ARHGAP15: variants seen among roughly 807,000 people sequenced by gnomAD.
ARHGAP15 encodes the protein Rho GTPase activating protein 15, also known as rho GTPase-activating protein 15.
In ARHGAP15, 51 loss-of-function variants were observed where a neutral mutation model predicts 63.7. The observed-to-expected ratio is 0.80, with a 90% confidence interval of 0.64 to 1.01. The LOEUF is 1.01. Ranked by LOEUF, ARHGAP15 falls within the 50% of genes least tolerant of loss-of-function variation. The pLI is 0.00. For missense variants in ARHGAP15, 560 were observed against 564.6 expected (o/e 0.99, Z 0.08); for synonymous variants, 191 against 193.8 (o/e 0.99, Z 0.12).
At chr2:143,391,099 C>T (rs1277597735) in intron 6 of ARHGAP15, among the ~76,000 whole-genome samples, 1 of 152,040 alleles carries the variant, frequency 6.6e-6, no homozygotes, top group East Asian at 1.9e-4. Context: ...ATAGAAAGTC[C>T]CTGGAAACCC....
chr2:143,648,887 C>T (rs144654320), intron 12 of ARHGAP15: 8 of 151,996 alleles, frequency 5.3e-5, no homozygotes, highest in South Asian at 2.1e-4. Flanking sequence ...TGGGAGTGAA[C>T]AGTAAGGTAG....
chr2:143,417,163 G>C (rs1018366730), intron 6 of ARHGAP15, among the ~76,000 whole-genome samples: 1 of 151,938 alleles, frequency 6.6e-6, no homozygotes, highest in African/African-American at 2.4e-5. Context: ...GGGGTCTTAA[G>C]TCAGGTCTCT....
At chr2:143,148,962 C>G (rs1294228187) in intron 1 of ARHGAP15, among the ~76,000 whole-genome samples, 2 of 152,030 alleles carry the variant, frequency 1.3e-5, no homozygotes, top group African/African-American at 4.8e-5. Flanking sequence ...GAGTTAATTA[C>G]TGACCTGTCA....
At chr2:143,298,170 G>T (rs138381130) in intron 6 of ARHGAP15, among the ~76,000 whole-genome samples, 6 of 151,552 alleles carry the variant, frequency 4.0e-5, no homozygotes, top group Admixed American at 6.6e-5. Flanking sequence ...ACTTCTCTTC[G>T]GGCTCTAAAT....
At chr2:143,169,450 A>T (rs932190505) in intron 2 of ARHGAP15, among the ~76,000 whole-genome samples, 1 of 152,100 alleles carries the variant, frequency 6.6e-6, no homozygotes, top group African/African-American at 2.4e-5. Flanking sequence ...TGTCATGCAG[A>T]TAACTGCAAA....
At chr2:143,159,943 G>A (rs1690225428) in intron 2 of ARHGAP15, among the ~76,000 whole-genome samples, 1 of 151,876 alleles carries the variant, frequency 6.6e-6, no homozygotes, top group Non-Finnish European at 1.5e-5. Context: ...AGTGTAAGAT[G>A]TGTCTGTATT....
At chr2:143,413,567 C>T (rs778190065) in intron 6 of ARHGAP15, among the ~76,000 whole-genome samples, 3 of 152,196 alleles carry the variant, frequency 2.0e-5, no homozygotes, top group Non-Finnish European at 4.4e-5. Context: ...AACTCTTTCA[C>T]TTAAGTGATC....
chr2:143,177,266 C>A (rs980377942), intron 2 of ARHGAP15, among the ~76,000 whole-genome samples: 1 of 152,078 alleles, frequency 6.6e-6, no homozygotes, highest in African/African-American at 2.4e-5. Flanking sequence ...AAGATGAGAG[C>A]CGGCTGTTCA....
At chr2:143,623,668 G>C (rs2105240185) in intron 11 of ARHGAP15, among the ~76,000 whole-genome samples, 1 of 152,308 alleles carries the variant, frequency 6.6e-6, no homozygotes, top group East Asian at 1.9e-4. Flanking sequence ...TACATAGCAA[G>C]GCTAACACAT....
intron 5 of ARHGAP15, among the ~76,000 whole-genome samples, chr2:143,242,047 C>T (rs189439162): frequency 1.2e-4 from 19 of 152,196 alleles, no homozygotes; most frequent in Non-Finnish European, 2.6e-4. Flanking sequence ...TTCCCATTTC[C>T]TGCACTTTTG....
At chr2:143,265,642 ATTATTTTGGAGAGT>A (rs565354269) in intron 6 of ARHGAP15, among the ~76,000 whole-genome samples, 1 of 152,284 alleles carries the variant, frequency 6.6e-6, no homozygotes, top group South Asian at 2.1e-4. Context: ...AAGTGTTATT[ATTATTTTGGAGAGT>A]TTTCGTAGGA....
At chr2:143,278,096 T>A (rs1282444108) in intron 6 of ARHGAP15, among the ~76,000 whole-genome samples, 1 of 152,106 alleles carries the variant, frequency 6.6e-6, no homozygotes, top group African/African-American at 2.4e-5. Context: ...AATGCCAAGA[T>A]AAAAACAGTG....
chr2:143,406,432 T>G (rs1688201219), intron 6 of ARHGAP15, among the ~76,000 whole-genome samples: 1 of 151,980 alleles, frequency 6.6e-6, no homozygotes, highest in Non-Finnish European at 1.5e-5. Flanking sequence ...TGATACTGTC[T>G]TTGTGTCTTA....
intron 12 of ARHGAP15, among the ~76,000 whole-genome samples, chr2:143,700,997 T>TC (rs1306866391): frequency 1.2e-4 from 18 of 152,264 alleles, no homozygotes; most frequent in African/African-American, 3.9e-4. Context: ...TTCTTTTTTT[T>TC]CTCTTTCTCG....
intron 6 of ARHGAP15, among the ~76,000 whole-genome samples, chr2:143,310,891 T>C (rs1683414738): frequency 6.6e-6 from 1 of 152,034 alleles, no homozygotes; most frequent in Non-Finnish European, 1.5e-5. Context: ...ATTTCATTAA[T>C]GATTCCTATA....
chr2:143,653,024 G>A (rs1434054339), intron 12 of ARHGAP15, among the ~76,000 whole-genome samples: 1 of 151,974 alleles, frequency 6.6e-6, no homozygotes, highest in Non-Finnish European at 1.5e-5. Flanking sequence ...TATTAAATAT[G>A]ATGCTAGTTT....
chr2:143,484,874 T>G (rs1183110899), intron 8 of ARHGAP15, among the ~76,000 whole-genome samples: 1 of 152,210 alleles, frequency 6.6e-6, no homozygotes, highest in Non-Finnish European at 1.5e-5. Context: ...AGCACAAGTC[T>G]AAAGCAGTGC....
chr2:143,673,958 T>G (rs1353842273), intron 12 of ARHGAP15, among the ~76,000 whole-genome samples: 1 of 151,260 alleles, frequency 6.6e-6, no homozygotes, highest in East Asian at 1.9e-4. Context: ...TATGAGTTTA[T>G]ACCCACCAAA....
intron 9 of ARHGAP15, among the ~76,000 whole-genome samples, chr2:143,510,074 T>A (rs548070016): frequency 3.1e-4 from 39 of 124,286 alleles, no homozygotes; most frequent in Admixed American, 3.1e-3. Flanking sequence ...TGATAAGCAA[T>A]CTAAAAGTTT....
Sources: gnomAD v4.1 joint callset for allele counts (sites outside exome capture counted in the v4.1 genomes callset) on GRCh38, gnomAD v4.1.1 for gene constraint, MANE v1.5 for transcripts, NCBI Gene and HGNC (gene_info 2026-07-23, HGNC 2026-07-21) for gene names.